Variants in KATNA1 observed in about 807,000 individuals in gnomAD.
KATNA1 encodes katanin catalytic subunit A1, also known as katanin p60 ATPase-containing subunit A1.
A neutral mutation model predicts 62.6 loss-of-function variants in KATNA1; 42 were observed. The ratio of observed to expected loss-of-function variants is 0.67; its 90% CI spans 0.52 to 0.87. The LOEUF (loss-of-function observed/expected upper bound fraction) is 0.87. Among genes scored for constraint, KATNA1 ranks in the 40% least tolerant of loss-of-function variants. The probability of loss-of-function intolerance (pLI) is 0.00; values close to 1 mark genes in which losing one functional copy is unlikely to be tolerated. For synonymous variants in KATNA1, 186 were observed against 201.9 expected, an observed-to-expected ratio of 0.92 and a Z score of 0.67; for missense variants, 498 against 612.5, an observed-to-expected ratio of 0.81 and a Z score of 1.97.
At chr6:149,638,311 AG>A in intron 2 of KATNA1, 74 bp downstream of exon 2, 1 of 1,328,034 alleles carries the variant, frequency 7.5e-7, no homozygotes, top group Non-Finnish European at 1.1e-6. Flanking sequence ...AACTACATAC[AG>A]CATTGACATC....
At chr6:149,636,647 A>AT (rs569870973) in intron 2 of KATNA1, among the ~76,000 whole-genome samples, 58,482 of 147,054 alleles carry the variant, frequency 0.4, 12,225 homozygotes, top group East Asian at 0.81. Context: ...TATTACTTTC[A>AT]TTTTTTTTTT....
intron 1 of KATNA1, among the ~76,000 whole-genome samples, chr6:149,645,389 G>C (rs983656575): frequency 6.6e-6 from 1 of 150,630 alleles, no homozygotes; most frequent in South Asian, 2.1e-4. Flanking sequence ...GTGCAAGTGA[G>C]CCAAGCTCGC....
chr6:149,601,089 ACT>A (rs757503819), intron 7 of KATNA1, among the ~76,000 whole-genome samples: 1 of 152,060 alleles, frequency 6.6e-6, no homozygotes, highest in African/African-American at 2.4e-5. Context: ...CAATCTAAAC[ACT>A]CTACCAGAAC....
intron 4 of KATNA1, among the ~76,000 whole-genome samples, chr6:149,607,736 A>G (rs959489414): frequency 3.9e-5 from 6 of 152,350 alleles, no homozygotes; most frequent in African/African-American, 1.2e-4. Context: ...AGTTTCAGAT[A>G]GACGGATTAA....
chr6:149,602,003 G>C (rs1049316688), intron 6 of KATNA1, among the ~76,000 whole-genome samples: 2 of 152,186 alleles, frequency 1.3e-5, no homozygotes, highest in African/African-American at 2.4e-5. Flanking sequence ...CACCCTAACA[G>C]AGGTACCATT....
rs761550578 is a variant in KATNA1 at position 149,638,555 on chromosome 6, T to A, written c.-8A>T. The A allele has an allele frequency of 3.1e-6, 5 of 1,600,106 alleles. No homozygotes were observed. Among genetic ancestry groups the A allele is most frequent in the East Asian group, 4.5e-5 (2 of 44,800 alleles). ...AATCATAAGAAGACTCATGTTCAAC[T>A]GTAAGCTAAAAAGAAGAAGAAAAAA... On this transcript the variant is annotated 5_prime_UTR_variant, in exon 2 of 11. Coordinates refer to ENST00000367411, the MANE Select transcript of KATNA1 (RefSeq NM_007044.4).
chr6:149,623,301 C>A lies in KATNA1; in HGVS notation c.321-18G>T. 1.3e-6 allele frequency: 2 copies of A among 1,554,674 alleles called. No homozygotes were observed. Among genetic ancestry groups the A allele is most frequent in the South Asian group, 1.2e-5 (1 of 82,866 alleles). On this transcript the variant is annotated intron_variant, in intron 3 of 10. Coordinates refer to ENST00000367411, the MANE Select transcript of KATNA1 (RefSeq NM_007044.4). ...GTGAGGGTCTAATCAAACAAAAACT[C>A]ATTAATATCATAATCAACTCCACAT... is the stretch of plus-strand genomic sequence containing the variant.
chr6:149,595,198 T>G lies in KATNA1; in HGVS notation c.1314A>C (p.Glu438Asp), dbSNP rs1485550530. 4 of 1,614,128 alleles carry G rather than the reference T, an allele frequency of 2.5e-6. No homozygotes were observed. The highest frequency in any genetic ancestry group is 3.4e-6 in the Non-Finnish European group (4 of 1,179,992). The change falls in exon 11 of 11, where the codon GAA (glutamate) becomes GAC (aspartate). Residue 438 changes from glutamate (E) to aspartate (D), a missense_variant. By Grantham distance (45) the Glu-to-Asp change is conservative (BLOSUM62 2). Around this residue, in one of 3 missense-constraint regions of KATNA1, gnomAD observed 267 missense variants for 372.6 expected, o/e 0.72. Transcript: ENST00000367411. ...ASLMAMRRRI[E>D]GLTPEEIRNL... ...TTCGGATTTCCTCTGGAGTCAAACC[T>G]TCAATGCGCCTTCTCATTGCCATCA...
Position 149,634,145 on chromosome 6 carries a change from C to T in KATNA1, c.163-1229G>A, listed in dbSNP as rs973507332. On this transcript the variant is annotated intron_variant, in intron 2 of 10. Transcript: ENST00000367411. ...AAAATTAGCTGGGTGTGGTGGCGGG[C>T]ACCTGGAATCTCAGCTACTTGGGAG... is the stretch of plus-strand genomic sequence containing the variant. 2.0e-5 allele frequency among the ~76,000 whole-genome samples: 3 copies of T among 151,024 alleles called. No individual in the cohort carries two copies. In the East Asian group the frequency reaches 5.9e-4, roughly 30 times the overall value.
Position 149,632,852 on chromosome 6 carries a change from A to C in KATNA1, c.227T>G (p.Phe76Cys). 6.2e-7 allele frequency: 1 copy of C among 1,613,484 alleles called. No individual in the cohort carries two copies. Among genetic ancestry groups the C allele is most frequent in the Non-Finnish European group, 8.5e-7 (1 of 1,179,694 alleles). Residue 76 changes from phenylalanine (F) to cysteine (C), a missense_variant, in exon 3 of 11, where the codon TTT becomes TGT. Physicochemically the swap from Phe to Cys is radical, Grantham distance 205 (BLOSUM62 -2). Around this residue, in one of 3 missense-constraint regions of KATNA1, gnomAD observed 203 missense variants for 198.4 expected, o/e 1.02. Transcript: ENST00000367411. ...VKDIMKTLES[F>C]KLDSTPLKAA... ...TTTCAAGGGAGTGCTGTCCAGTTTAAAGCTCTCTAGTGTTTTCATGATATC... is the reference window on the plus strand; with the variant it reads ...TTTCAAGGGAGTGCTGTCCAGTTTACAGCTCTCTAGTGTTTTCATGATATC...
Position 149,597,199 on chromosome 6 carries a change from G to A in KATNA1, c.1151-10C>T, listed in dbSNP as rs1035211613. 4.3e-6 allele frequency: 7 copies of A among 1,611,872 alleles called. No homozygotes were observed. Among genetic ancestry groups the A allele is most frequent in the Non-Finnish European group, 5.1e-6 (6 of 1,179,292 alleles). On this transcript the variant is annotated splice_polypyrimidine_tract_variant and intron_variant, in intron 9 of 10. Coordinates refer to ENST00000367411, the MANE Select transcript of KATNA1 (RefSeq NM_007044.4). ...TCCTCCCTGCCTTTTGCTAATGGTA[G>A]AAACAAATTTTAAAATGTAAGCCTG... is the stretch of plus-strand genomic sequence containing the variant.
chr6:149,617,160 T>A (rs1779197384), intron 4 of KATNA1, among the ~76,000 whole-genome samples: 1 of 152,070 alleles, frequency 6.6e-6, no homozygotes, highest in South Asian at 2.1e-4. Flanking sequence ...AAGGGGAGAA[T>A]GATAAGAATG....
rs1778541147 is a variant in KATNA1 at position 149,601,531 on chromosome 6, T to C, written c.888+63A>G. 5 of 1,422,462 alleles carry C rather than the reference T, an allele frequency of 3.5e-6. No individual in the cohort carries two copies. The Admixed American group carries it at 1.1e-4, about 32-fold the overall frequency. 88.1% of individuals were successfully genotyped at this position (1,422,462 alleles called of 1,614,324 possible). A position where few individuals can be genotyped will look rare whatever the true frequency, so the allele number is the denominator to read the frequency against. ...AACTATTCCATATACTGGAGATAGT[T>C]ACAGCTCACTTTCTCCCCTTTTAGA... is the stretch of plus-strand genomic sequence containing the variant. On this transcript the variant is annotated intron_variant, in intron 7 of 10. Coordinates refer to ENST00000367411, the MANE Select transcript of KATNA1 (RefSeq NM_007044.4).
At chr6:149,637,884 T>C (rs1403834986) in intron 2 of KATNA1, among the ~76,000 whole-genome samples, 1 of 152,202 alleles carries the variant, frequency 6.6e-6, no homozygotes, top group Non-Finnish European at 1.5e-5. Flanking sequence ...CTCATAATAC[T>C]GCTGATGGTG....
intron 4 of KATNA1, among the ~76,000 whole-genome samples, chr6:149,611,976 G>A (rs1212001035): frequency 6.6e-6 from 1 of 151,920 alleles, no homozygotes; most frequent in Non-Finnish European, 1.5e-5. Context: ...CTCCAGCCTG[G>A]GCGACAAAGC....
chr6:149,621,452 G>GA (rs1260935786), intron 4 of KATNA1, among the ~76,000 whole-genome samples: 1 of 149,728 alleles, frequency 6.7e-6, no homozygotes, highest in Non-Finnish European at 1.5e-5. Flanking sequence ...TACACTGAGA[G>GA]AAAAAAACCA....
intron 4 of KATNA1, among the ~76,000 whole-genome samples, chr6:149,617,612 C>A (rs2115111488): frequency 1.3e-5 from 2 of 151,900 alleles, no homozygotes; most frequent in East Asian, 3.9e-4. Context: ...CTATCCTGAT[C>A]AACATGGTGA....
intron 4 of KATNA1, among the ~76,000 whole-genome samples, chr6:149,621,123 C>CTTT (rs1282414027): frequency 7.4e-6 from 1 of 135,824 alleles, no homozygotes. Flanking sequence ...CCTATGCCTT[C>CTTT]TTTTTTTTTT....
chr6:149,638,332 T>G, intron 2 of KATNA1, 54 bp downstream of exon 2: 1 of 1,536,840 alleles, frequency 6.5e-7, no homozygotes, highest in Non-Finnish European at 8.9e-7. Context: ...CTGATCTAAA[T>G]TTTCTCTTCC....
Sources: allele counts gnomAD v4.1 joint callset (sites outside exome capture counted in the v4.1 genomes callset), GRCh38; gene constraint gnomAD v4.1.1; regional missense constraint gnomAD v4.1.1; transcripts MANE v1.5; gene names NCBI Gene and HGNC (gene_info 2026-07-23, HGNC 2026-07-21).